CFAP73: variants seen among roughly 807,000 people sequenced by gnomAD.
CFAP73 encodes cilia- and flagella-associated protein 73.
CFAP73 carries 33 observed loss-of-function variants against 42.9 expected under a neutral mutation model. That is an observed-to-expected ratio of 0.77 (90% CI 0.58 to 1.03). CFAP73 has a LOEUF of 1.03. CFAP73 is among the 50% of genes least tolerant of loss of function. CFAP73 has a pLI of 0.00. For synonymous variants in CFAP73, 162 were observed against 186.8 expected, an observed-to-expected ratio of 0.87 and a Z score of 1.08; for missense variants, 392 against 411.9, an observed-to-expected ratio of 0.95 and a Z score of 0.42.
intron 5 of CFAP73, among the ~76,000 whole-genome samples, chr12:113,155,022 T>A (rs559175237): frequency 4.6e-5 from 7 of 151,972 alleles, no homozygotes; most frequent in African/African-American, 1.7e-4. Flanking sequence ...ATACAAAAAT[T>A]AGCCAGGTCC....
Position 113,154,294 on chromosome 12 carries a change from A to T in CFAP73, c.469-120A>T. ...CCTTGTCTCTAACAAATGGAGGTTG[A>T]CATTTAAGTCACTTTCCAGAAAGAT... is the stretch of plus-strand genomic sequence containing the variant. On this transcript the variant is annotated intron_variant, in intron 4 of 7. Coordinates refer to ENST00000335621, the MANE Select transcript of CFAP73 (RefSeq NM_001144872.3). This position sits in a 1 kb window ranked among gnomAD's most constrained non-coding sequence, Gnocchi z 4.7. The T allele has an allele frequency of 8.1e-7, 1 of 1,235,810 alleles. No homozygotes were observed. Among genetic ancestry groups the T allele is most frequent in the Non-Finnish European group, 1.1e-6 (1 of 883,154 alleles). 76.6% of individuals were successfully genotyped at this position (1,235,810 alleles called of 1,614,324 possible).
rs1434985002 is a variant in CFAP73 at position 113,152,838 on chromosome 12, A to T, written c.218A>T (p.Lys73Met). Residue 73 changes from lysine (K) to methionine (M), a missense_variant, in exon 3 of 8, where the codon AAG (lysine) becomes ATG (methionine). Lys to Met is a moderately conservative substitution (Grantham distance 95). Transcript: ENST00000335621. ...CAGCGTTGGGAACAGCTGGAACAAA[A>T]GGAGCGGGAGCTAAAGGGATCGTTC... The part of the protein sequence containing the change: ...LKQRWEQLEQ[K>M]ERELKGSFIR... 6.4e-7 allele frequency: 1 copy of T among 1,551,708 alleles called. No individual in the cohort carries two copies. Among genetic ancestry groups the T allele is most frequent in the African/African-American group, 1.4e-5 (1 of 73,170 alleles).
rs1952046049 is a variant in CFAP73 at position 113,149,783 on chromosome 12, C to A, written c.-75C>A. 2 of 1,475,622 alleles carry A rather than the reference C, an allele frequency of 1.4e-6. No individual in the cohort carries two copies. Among genetic ancestry groups the A allele is most frequent in the African/African-American group, 2.8e-5 (2 of 71,626 alleles). The allele number at this position is 1,475,622 out of a possible 1,614,324, so 91.4% of individuals were successfully genotyped here. ...GAGCAGGCTTCCACACCACGCTCCA[C>A]AGAACCCCCAGGGTCTCCTAAGCTT... On this transcript the variant is annotated 5_prime_UTR_variant, in exon 1 of 8. Transcript: ENST00000335621.
In CFAP73 at chr12:113,155,389, A is replaced by G; in HGVS notation, c.820A>G (p.Ile274Val). 4 of 1,551,090 alleles carry G rather than the reference A, an allele frequency of 2.6e-6. No individual in the cohort carries two copies. The highest frequency in any genetic ancestry group is 3.5e-6 in the Non-Finnish European group (4 of 1,146,446). ...TCAGGGGCAGCCTCCCACCCTGGACATCGAGGACACGGAGGGACAGCTAGA... is the reference window on the plus strand; with the variant it reads ...TCAGGGGCAGCCTCCCACCCTGGACGTCGAGGACACGGAGGGACAGCTAGA... ...QHQGQPPTLD[I>V]EDTEGQLEHV... Residue 274 changes from isoleucine (I) to valine (V), a missense_variant, in exon 6 of 8, where the codon ATC (isoleucine) becomes GTC (valine). Transcript: ENST00000335621.
At chr12:113,155,554 G>T in intron 6 of CFAP73, 136 bp downstream of exon 6, 1 of 984,578 alleles carries the variant, frequency 1.0e-6, no homozygotes. Flanking sequence ...TGCCCCAGCC[G>T]TGGCTCGATT....
intron 1 of CFAP73, among the ~76,000 whole-genome samples, chr12:113,150,202 C>T (rs535375513): frequency 6.6e-6 from 1 of 152,232 alleles, no homozygotes; most frequent in South Asian, 2.1e-4. Context: ...CCCAATCCAC[C>T]CCCAAAACTG....
intron 5 of CFAP73, 61 bp from the exon 6 acceptor site, chr12:113,155,199 A>G: frequency 7.2e-7 from 1 of 1,394,824 alleles, no homozygotes. Context: ...GTGGCTGGGA[A>G]GAGGGGGCAG....
In CFAP73 at chr12:113,158,888, T is replaced by G; in HGVS notation, c.*199T>G. On this transcript the variant is annotated 3_prime_UTR_variant, in exon 8 of 8. Coordinates refer to ENST00000335621, the MANE Select transcript of CFAP73 (RefSeq NM_001144872.3). This position sits in a 1 kb window ranked among gnomAD's most constrained non-coding sequence, Gnocchi z 4.9. ...CTGGGTCCTGGTCCTCACATCCTCTTCCGCATCTTGCCCTTCTTGGAGCGG... is the reference window on the plus strand; with the variant it reads ...CTGGGTCCTGGTCCTCACATCCTCTGCCGCATCTTGCCCTTCTTGGAGCGG... 1 of 1,602,482 alleles carries G rather than the reference T, an allele frequency of 6.2e-7. No individual in the cohort carries two copies. The highest frequency in any genetic ancestry group is 8.5e-7 in the Non-Finnish European group (1 of 1,171,736).
chr12:113,156,728 C>G (rs878927307), intron 6 of CFAP73: 6 of 152,182 alleles, frequency 3.9e-5, no homozygotes, highest in Admixed American at 1.3e-4. Context: ...AGCAGAAACA[C>G]AGGCTTGATG....
Position 113,158,770 on chromosome 12 carries a change from G to C in CFAP73, c.*81G>C. On this transcript the variant is annotated 3_prime_UTR_variant, in exon 8 of 8. Transcript: ENST00000335621. This position sits in a 1 kb window ranked among gnomAD's most constrained non-coding sequence, Gnocchi z 4.9. ...TCACAGATGATGGCTCCTGCAGGGA[G>C]TGCCCCCAGTGCCCAGCACAGGGCC... 1 of 1,227,150 alleles carries C rather than the reference G, an allele frequency of 8.1e-7. No homozygotes were observed. The highest frequency in any genetic ancestry group is 1.6e-5 in the South Asian group (1 of 61,558). 76.0% of individuals were successfully genotyped at this position (1,227,150 alleles called of 1,614,324 possible).
intron 6 of CFAP73, 36 bp from the exon 7 acceptor site, chr12:113,157,565 TG>T: frequency 6.5e-7 from 1 of 1,540,406 alleles, no homozygotes; most frequent in South Asian, 1.2e-5. Context: ...ACAGTGACTC[TG>T]GGGCTGGGAT....
In CFAP73 at chr12:113,153,192, C is replaced by G; in HGVS notation, c.268-16C>G. On this transcript the variant is annotated splice_polypyrimidine_tract_variant and intron_variant, in intron 3 of 7. Transcript: ENST00000335621. ...CTGAGTCCTGAAGGTCGTCTTCTCC[C>G]CACCGTACTCCCCAGGACTCCGAGG... 1 of 1,504,940 alleles carries G rather than the reference C, an allele frequency of 6.6e-7. No homozygotes were observed. Among genetic ancestry groups the G allele is most frequent in the East Asian group, 2.5e-5 (1 of 39,388 alleles). The allele number at this position is 1,504,940 out of a possible 1,614,324, so 93.2% of individuals were successfully genotyped here.
In CFAP73 at chr12:113,152,124, C is replaced by T. The variant is rs1268784517; in HGVS notation, c.162+101C>T. On this transcript the variant is annotated intron_variant, in intron 2 of 7. Coordinates refer to ENST00000335621, the MANE Select transcript of CFAP73 (RefSeq NM_001144872.3). ...TCTGAGACAAGTCATTTCACCACTC[C>T]AAGCCTTGATTTCCTCATCGTCAAA... The T allele has an allele frequency of 2.4e-5, 19 of 781,358 alleles. No homozygotes were observed. The East Asian group carries it at 4.9e-4, about 20-fold the overall frequency. 48.4% of individuals were successfully genotyped at this position (781,358 alleles called of 1,614,324 possible).
Position 113,157,414 on chromosome 12 carries a change from G to A in CFAP73, c.850-188G>A, listed in dbSNP as rs531090081. The A allele has an allele frequency of 1.1e-4, 68 of 597,922 alleles. 1 individual carries two copies. In the South Asian group the frequency reaches 1.3e-3, roughly 12 times the overall value. 37.0% of individuals were successfully genotyped at this position (597,922 alleles called of 1,614,324 possible). A position where few individuals can be genotyped will look rare whatever the true frequency, so the allele number is the denominator to read the frequency against. On this transcript the variant is annotated intron_variant, in intron 6 of 7. Coordinates refer to ENST00000335621, the MANE Select transcript of CFAP73 (RefSeq NM_001144872.3). ...ACGCAGCAGTTGGGAAGGTTGGCCT[G>A]AGGCTTTCAAAACCCAGAACGGTTT...
intron 6 of CFAP73, 21 bp downstream of exon 6, chr12:113,155,439 C>T: frequency 6.6e-7 from 1 of 1,524,570 alleles, no homozygotes; most frequent in Non-Finnish European, 8.9e-7. Flanking sequence ...CTCTTTATGG[C>T]ACCTCCAGCC....
At position 113,157,594 on chromosome 12, in the gene CFAP73, C is replaced by A. The variant is rs539276285; in HGVS notation, c.850-8C>A. On this transcript the variant is annotated splice_region_variant and splice_polypyrimidine_tract_variant and intron_variant, in intron 6 of 7. Coordinates refer to ENST00000335621, the MANE Select transcript of CFAP73 (RefSeq NM_001144872.3). ...GCTGGGATGTGACTTCGTGCTGGGC[C>A]CCCCCAGGTGAAGCTGTTCATGCAG... 2.9e-5 allele frequency: 45 copies of A among 1,551,378 alleles called. No individual in the cohort carries two copies. The East Asian group carries it at 8.1e-4, about 28-fold the overall frequency.
intron 2 of CFAP73, among the ~76,000 whole-genome samples, chr12:113,152,239 C>T (rs533325574): frequency 4.6e-5 from 7 of 152,326 alleles, no homozygotes; most frequent in African/African-American, 1.2e-4. Flanking sequence ...GGAGGTCTTA[C>T]GATAGTCCCT....
chr12:113,152,206 T>C (rs1392297909), intron 2 of CFAP73, among the ~76,000 whole-genome samples, 183 bp downstream of exon 2: 2 of 152,254 alleles, frequency 1.3e-5, no homozygotes, highest in Non-Finnish European at 2.9e-5. Context: ...ATTGAGCATG[T>C]GCTGGGCACT....
intron 5 of CFAP73, 36 bp from the exon 6 acceptor site, chr12:113,155,224 G>C (rs368363798): frequency 3.4e-6 from 5 of 1,491,278 alleles, no homozygotes; most frequent in African/African-American, 2.8e-5. Flanking sequence ...CCTTGGCCCA[G>C]TTGCCATAAT....
Sources: allele counts gnomAD v4.1 joint callset (sites outside exome capture counted in the v4.1 genomes callset), GRCh38; gene constraint gnomAD v4.1.1; non-coding constraint Gnocchi (gnomAD v3.1); transcripts MANE v1.5; gene names NCBI Gene and HGNC (gene_info 2026-07-23, HGNC 2026-07-21).